POLRMT: variants seen among roughly 807,000 people sequenced by gnomAD.
The protein encoded by POLRMT is RNA polymerase mitochondrial.
POLRMT carries 114 observed loss-of-function variants against 132.2 expected under a neutral mutation model. That is an observed-to-expected ratio of 0.86 (90% CI 0.74 to 1.01). The LOEUF (loss-of-function observed/expected upper bound fraction) is 1.01. Among genes scored for constraint, POLRMT ranks in the 50% least tolerant of loss-of-function variants. POLRMT has a pLI of 0.00. For synonymous variants in POLRMT, 1,020 were observed against 773.4 expected (o/e 1.32, Z -5.29); for missense variants, 2,003 against 1,729.1 (o/e 1.16, Z -2.81).
intron 3 of POLRMT, among the ~76,000 whole-genome samples, chr19:625,783 T>A (rs998979043): frequency 3.3e-5 from 5 of 150,630 alleles, no homozygotes; most frequent in African/African-American, 1.2e-4. Flanking sequence ...CTGGGCCGGG[T>A]TCTCTGCCTC....
intron 13 of POLRMT, 43 bp downstream of exon 13, chr19:619,543 G>A (rs776010415): frequency 4.4e-6 from 7 of 1,606,546 alleles, no homozygotes; most frequent in Middle Eastern, 1.7e-4. Context: ...GTTTTAAATG[G>A]CAGTGAAACC....
intron 2 of POLRMT, among the ~76,000 whole-genome samples, chr19:631,342 G>GGC (rs1555677892): frequency 6.7e-6 from 1 of 150,364 alleles, no homozygotes; most frequent in African/African-American, 2.4e-5. Context: ...AAAAAAAGGG[G>GGC]GGGGGGGACC....
At chr19:633,249 A>C in intron 1 of POLRMT, 176 bp downstream of exon 1, 1 of 798,412 alleles carries the variant, frequency 1.3e-6, no homozygotes. Flanking sequence ...GTCAGACTGC[A>C]CGGAGGAGCC....
At position 623,588 on chromosome 19, in the gene POLRMT, A is replaced by G. The variant is rs149179731; in HGVS notation, c.1156T>C (p.Tyr386His). Reference protein sequence around the residue: ...DVYAKDGRVSYPKLHLPLKTL... With the variant: ...DVYAKDGRVSHPKLHLPLKTL... Reference sequence around the variant, plus strand: ...TTCAAGGGCAGGTGCAGCTTCGGGTAGGACACACGCCCATCCTGCAGGGAT... The same window carrying G: ...TTCAAGGGCAGGTGCAGCTTCGGGTGGGACACACGCCCATCCTGCAGGGAT... The change falls in exon 6 of 21, where the codon TAC becomes CAC. Residue 386 changes from tyrosine (Y) to histidine (H), a missense_variant. By Grantham distance (83) the Tyr-to-His change is moderately conservative. Transcript: ENST00000588649. 10 of 1,613,522 alleles carry G rather than the reference A, an allele frequency of 6.2e-6. No homozygotes were observed. The highest frequency in any genetic ancestry group is 1.6e-4 in the Middle Eastern group (1 of 6,076).
Position 622,632 on chromosome 19 carries a change from G to T in POLRMT, c.1576C>A (p.Leu526Met). 1 of 1,607,558 alleles carries T rather than the reference G, an allele frequency of 6.2e-7. No homozygotes were observed. The highest frequency in any genetic ancestry group is 8.5e-7 in the Non-Finnish European group (1 of 1,178,508). Residue 526 changes from leucine (L) to methionine (M), a missense_variant, in exon 8 of 21, where the codon CTG (leucine) becomes ATG (methionine). Transcript: ENST00000588649. ...RQRVSGQVQA[L>M]QNHYRKYLCL... Reference sequence around the variant, plus strand: ...AGGTACTTCCTGTAGTGGTTCTGCAGCGCCTGCACCTGGCCACTGACCCGC... The same window carrying T: ...AGGTACTTCCTGTAGTGGTTCTGCATCGCCTGCACCTGGCCACTGACCCGC...
intron 13 of POLRMT, 141 bp from the exon 14 acceptor site, chr19:619,437 C>A: frequency 7.3e-7 from 1 of 1,363,038 alleles, no homozygotes; most frequent in South Asian, 1.3e-5. Flanking sequence ...CCCACGCAGT[C>A]AGCAAGAAAC....
chr19:620,409 C>A lies in POLRMT; in HGVS notation c.2719G>T (p.Ala907Ser). ...GAGACATAGGCGGCAGGGTCGGAGGCGCGCACAGCGTTCGCCACCTCCATA... is the reference window on the plus strand; with the variant it reads ...GAGACATAGGCGGCAGGGTCGGAGGAGCGCACAGCGTTCGCCACCTCCATA... ...CCMEVANAVR[A>S]SDPAAYVSHL... Residue 907 changes from alanine to serine, a missense_variant, in exon 11 of 21, where the codon GCC becomes TCC. By Grantham distance (99) the Ala-to-Ser change is moderately conservative. Transcript: ENST00000588649. 1.3e-6 allele frequency: 2 copies of A among 1,588,634 alleles called. No individual in the cohort carries two copies. The highest frequency in any genetic ancestry group is 1.7e-6 in the Non-Finnish European group (2 of 1,168,718).
chr19:621,064 G>C lies in POLRMT; in HGVS notation c.2634C>G (p.Pro878=), dbSNP rs568504352. The C allele has an allele frequency of 2.0e-5, 32 of 1,597,994 alleles. 1 individual carries two copies. The East Asian group carries it at 5.9e-4, about 30-fold the overall frequency. The change falls in exon 10 of 21, where the codon CCC becomes CCG. Residue 878 remains proline, a synonymous_variant. Coordinates refer to ENST00000588649, the MANE Select transcript of POLRMT (RefSeq NM_005035.4). The part of the protein sequence containing the change: ...MDDILDSADQ[P]LTGRKWWMGA... ...GCGGGGGCCCCGCCCCTACCGTCAA[G>C]GGTTGGTCCGCGGAGTCCAGGATGT...
At chr19:623,686 G>A (rs1984811395) in intron 5 of POLRMT, 83 bp from the exon 6 acceptor site, 5 of 1,480,942 alleles carry the variant, frequency 3.4e-6, no homozygotes, top group African/African-American at 1.4e-5. Flanking sequence ...ATGGGTGCAC[G>A]CGTTTCTGCG....
intron 9 of POLRMT, 141 bp downstream of exon 9, chr19:622,008 G>A: frequency 8.8e-7 from 1 of 1,135,934 alleles, no homozygotes; most frequent in Non-Finnish European, 1.2e-6. Flanking sequence ...CACCTGCATG[G>A]ACACCCATGG....
intron 3 of POLRMT, among the ~76,000 whole-genome samples, chr19:626,898 C>CACACACACACACACACACACACACACAT (rs371959370): frequency 2.0e-5 from 3 of 146,700 alleles, no homozygotes; most frequent in African/African-American, 5.1e-5. Context: ...CACACACACA[C>CACACACACACACACACACACACACACAT]ATATATATAT....
At chr19:625,909 G>C (rs1214524405) in intron 3 of POLRMT, among the ~76,000 whole-genome samples, 1 of 151,896 alleles carries the variant, frequency 6.6e-6, no homozygotes, top group Non-Finnish European at 1.5e-5. Flanking sequence ...CACCATGCTG[G>C]CCAGGCTGGT....
rs1427094552 is a variant in POLRMT, at chr19:632,918, C to G, written c.109G>C (p.Gly37Arg). 6.6e-6 allele frequency: 10 copies of G among 1,522,818 alleles called. No homozygotes were observed. Among genetic ancestry groups the G allele is most frequent in the Non-Finnish European group, 7.9e-6 (9 of 1,140,220 alleles). 94.3% of individuals were successfully genotyped at this position (1,522,818 alleles called of 1,614,324 possible). A position where few individuals can be genotyped will look rare whatever the true frequency, so the allele number is the denominator to read the frequency against. Residue 37 changes from glycine to arginine, a missense_variant, in exon 2 of 21, where the codon GGC becomes CGC. Coordinates refer to ENST00000588649, the MANE Select transcript of POLRMT (RefSeq NM_005035.4). ...GKEGTAGGVC[G>R]PRRSSSASPQ... ...CTGGCGGACGAGCTCCTCCTGGGGCCGCAGACGCCACCGGCGGTCCCTGCG... is the reference window on the plus strand; with the variant it reads ...CTGGCGGACGAGCTCCTCCTGGGGCGGCAGACGCCACCGGCGGTCCCTGCG...
chr19:629,510 G>A, intron 3 of POLRMT, 30 bp downstream of exon 3: 2 of 1,487,266 alleles, frequency 1.3e-6, no homozygotes, highest in South Asian at 1.4e-5. Context: ...AACGACCAGG[G>A]CAGGTGGCCC....
rs754674865 is a variant in POLRMT, at chr19:632,828, G to A, written c.193+6C>T. ...TCTCCCGGGCCGCCGTGGGGGTCGCGCTCACCCTCCAGCAGCTCCACGTGG... is the reference window on the plus strand; with the variant it reads ...TCTCCCGGGCCGCCGTGGGGGTCGCACTCACCCTCCAGCAGCTCCACGTGG... On this transcript the variant is annotated splice_donor_region_variant and intron_variant, in intron 2 of 20. Coordinates refer to ENST00000588649, the MANE Select transcript of POLRMT (RefSeq NM_005035.4). 6 of 1,531,900 alleles carry A rather than the reference G, an allele frequency of 3.9e-6. No individual in the cohort carries two copies. Among genetic ancestry groups the A allele is most frequent in the African/African-American group, 1.4e-5 (1 of 71,356 alleles). 94.9% of individuals were successfully genotyped at this position (1,531,900 alleles called of 1,614,324 possible).
At position 618,713 on chromosome 19, in the gene POLRMT, GTC is replaced by G. The variant is rs1410129059; in HGVS notation, c.3313_3314del (p.Asp1105HisfsTer9). ...CCGGGCCCCCCACTCACCGGCTGAT[GTC>G]TCCGTTGTGGGTGTAGGTGATGCTC... is the stretch of plus-strand genomic sequence containing the variant. ...IQSITYTHNG[D>X]ISRKPNTRKQ... On this transcript the variant is annotated frameshift_variant, in exon 16 of 21. Coordinates refer to ENST00000588649, the MANE Select transcript of POLRMT (RefSeq NM_005035.4). LOFTEE classifies it high-confidence loss of function. 1 of 1,607,756 alleles carries G rather than the reference GTC, an allele frequency of 6.2e-7. No homozygotes were observed. The highest frequency in any genetic ancestry group is 1.3e-5 in the African/African-American group (1 of 74,822).
In POLRMT at chr19:619,664, C is replaced by G. The variant is rs145738463; in HGVS notation, c.2988G>C (p.Thr996=). The change falls in exon 13 of 21, where the codon ACG becomes ACC. Residue 996 remains threonine, a synonymous_variant. Coordinates refer to ENST00000588649, the MANE Select transcript of POLRMT (RefSeq NM_005035.4). Reference sequence around the variant, plus strand: ...CATAGCGCGTGACCCCGTACACCACCGTCATCACCGTCTGCTTCACCACCT... The same window carrying G: ...CATAGCGCGTGACCCCGTACACCACGGTCATCACCGTCTGCTTCACCACCT... ...TRKVVKQTVM[T]VVYGVTRYGG... 21 of 1,610,326 alleles carry G rather than the reference C, an allele frequency of 1.3e-5. No individual in the cohort carries two copies. Among genetic ancestry groups the G allele is most frequent in the Non-Finnish European group, 1.8e-5 (21 of 1,179,434 alleles).
chr19:628,550 T>C (rs10411491), intron 3 of POLRMT, among the ~76,000 whole-genome samples: 10,904 of 152,264 alleles, frequency 0.072, 734 homozygotes, highest in South Asian at 0.21. Flanking sequence ...TATCTGTATT[T>C]TAATATAATA....
Position 623,003 on chromosome 19 carries a change from GC to G in POLRMT, c.1291-19del, listed in dbSNP as rs759402471. ...GTCTTCCGCTGCGGGGGATGAACGG[GC>G]CCGGTGAGCCCCGTGGCAGCTGGTG... On this transcript the variant is annotated intron_variant, in intron 6 of 20. Transcript: ENST00000588649. 3.1e-6 allele frequency: 5 copies of G among 1,608,380 alleles called. No individual in the cohort carries two copies. In the African/African-American group the frequency reaches 5.3e-5, roughly 17 times the overall value.
Sources: gnomAD v4.1 joint callset for allele counts (sites outside exome capture counted in the v4.1 genomes callset) on GRCh38, gnomAD v4.1.1 for gene constraint, MANE v1.5 for transcripts, NCBI Gene and HGNC (gene_info 2026-07-23, HGNC 2026-07-21) for gene names.